Variants in UNC5D observed in about 807,000 individuals in gnomAD.
The protein encoded by UNC5D is netrin receptor UNC5D.
In UNC5D, 39 loss-of-function variants were observed where a neutral mutation model predicts 105.4. The observed-to-expected ratio is 0.37, with a 90% confidence interval of 0.29 to 0.48. The LOEUF (loss-of-function observed/expected upper bound fraction) is 0.48. Ranked by LOEUF, UNC5D falls within the 20% of genes least tolerant of loss-of-function variation. UNC5D has a pLI of 0.98. For synonymous variants in UNC5D, 452 were observed against 450.4 expected, an observed-to-expected ratio of 1.00 and a Z score of -0.04; for missense variants, 991 against 1,202.4, an observed-to-expected ratio of 0.82 and a Z score of 2.60.
In UNC5D at chr8:35,793,120, T is replaced by C. The variant is rs1432584894; in HGVS notation, c.*2557T>C. The C allele has an allele frequency of 4.4e-6, 2 of 454,564 alleles. No individual in the cohort carries two copies. The highest frequency in any genetic ancestry group is 2.0e-5 in the African/African-American group (1 of 49,968). The allele number at this position is 454,564 out of a possible 1,614,324, so 28.2% of individuals were successfully genotyped here. On this transcript the variant is annotated 3_prime_UTR_variant, in exon 17 of 17. Transcript: ENST00000404895. ...GCCTGTCTTGTTTCTTCTTTATGTTTCTTTTACTTATTGCTGCTAGGATCC... is the reference window on the plus strand; with the variant it reads ...GCCTGTCTTGTTTCTTCTTTATGTTCCTTTTACTTATTGCTGCTAGGATCC...
intron 11 of UNC5D, among the ~76,000 whole-genome samples, chr8:35,741,765 G>GT (rs1182371261): frequency 6.6e-6 from 1 of 152,116 alleles, no homozygotes; most frequent in Non-Finnish European, 1.5e-5. Flanking sequence ...TGCATGAGAT[G>GT]TTGCTTTGGA....
intron 1 of UNC5D, among the ~76,000 whole-genome samples, chr8:35,269,886 G>T (rs750793135): frequency 1.3e-5 from 2 of 152,184 alleles, no homozygotes; most frequent in Non-Finnish European, 2.9e-5. Context: ...TGAAGGGCAT[G>T]TCCATATCCA....
intron 1 of UNC5D, among the ~76,000 whole-genome samples, chr8:35,331,157 G>T (rs561168614): frequency 1.3e-4 from 20 of 152,276 alleles, no homozygotes; most frequent in African/African-American, 3.6e-4. Context: ...AGTGAGAGAT[G>T]AGAGATTAAT....
chr8:35,619,329 C>T (rs182978731), intron 4 of UNC5D, among the ~76,000 whole-genome samples: 379 of 152,212 alleles, frequency 2.5e-3, no homozygotes, highest in Non-Finnish European at 4.1e-3. Flanking sequence ...GAAGCAAGAT[C>T]GGCATGGTCA....
chr8:35,413,187 G>A (rs1805287576), intron 1 of UNC5D, among the ~76,000 whole-genome samples: 2 of 150,928 alleles, frequency 1.3e-5, no homozygotes, highest in South Asian at 4.2e-4. Flanking sequence ...CATTAGCTAT[G>A]TTCCATGCTC....
At chr8:35,362,827 G>C (rs1372055295) in intron 1 of UNC5D, among the ~76,000 whole-genome samples, 2 of 152,042 alleles carry the variant, frequency 1.3e-5, no homozygotes, top group Non-Finnish European at 1.5e-5. Context: ...TCTCATTTCT[G>C]TTGTTGTTGT....
chr8:35,490,759 G>C (rs1241759608), intron 1 of UNC5D, among the ~76,000 whole-genome samples: 1 of 152,154 alleles, frequency 6.6e-6, no homozygotes, highest in African/African-American at 2.4e-5. Flanking sequence ...CTCTGGAAGA[G>C]CCAGTACTGT....
chr8:35,306,213 ATG>A (rs766977962), intron 1 of UNC5D, among the ~76,000 whole-genome samples: 11 of 150,762 alleles, frequency 7.3e-5, no homozygotes, highest in Non-Finnish European at 4.4e-5. Flanking sequence ...GGAATCGGCG[ATG>A]TGTGTGTGTG....
At chr8:35,278,981 C>A (rs1805963543) in intron 1 of UNC5D, among the ~76,000 whole-genome samples, 1 of 152,092 alleles carries the variant, frequency 6.6e-6, no homozygotes, top group Non-Finnish European at 1.5e-5. Context: ...GTTATTGTCA[C>A]CAGTAATGAG....
chr8:35,503,696 T>C (rs1473825561), intron 1 of UNC5D, among the ~76,000 whole-genome samples: 1 of 152,218 alleles, frequency 6.6e-6, no homozygotes, highest in Non-Finnish European at 1.5e-5. Context: ...GGTTAAACAC[T>C]ATGCTGGTGG....
intron 1 of UNC5D, among the ~76,000 whole-genome samples, chr8:35,346,322 A>G (rs994742440): frequency 1.3e-5 from 2 of 152,046 alleles, no homozygotes; most frequent in African/African-American, 2.4e-5. Flanking sequence ...ACTGATTAAG[A>G]TTCTAAAGGT....
At chr8:35,525,658 A>T in intron 1 of UNC5D, 2 of 1,612,564 alleles carry the variant, frequency 1.2e-6, no homozygotes, top group Non-Finnish European at 1.7e-6. Context: ...AGCATTTTGG[A>T]TTGGTAGTCA....
At chr8:35,641,366 CAAAA>C (rs377021599) in intron 4 of UNC5D, among the ~76,000 whole-genome samples, 2 of 44,292 alleles carry the variant, frequency 4.5e-5, no homozygotes, top group Non-Finnish European at 8.5e-5. Context: ...AAAAATAAAG[CAAAA>C]AAAAAAAAAA....
chr8:35,604,411 C>A (rs1274187434), intron 4 of UNC5D, among the ~76,000 whole-genome samples: 1 of 152,198 alleles, frequency 6.6e-6, no homozygotes, highest in Admixed American at 6.5e-5. Flanking sequence ...GCGGAGAGAT[C>A]AGCTGTTAGT....
chr8:35,675,483 CT>C (rs538381546), intron 4 of UNC5D, among the ~76,000 whole-genome samples: 2 of 152,212 alleles, frequency 1.3e-5, no homozygotes, highest in African/African-American at 4.8e-5. Context: ...AATTGAGACA[CT>C]TTAGAAATCA....
chr8:35,289,532 A>C (rs1806875977), intron 1 of UNC5D, among the ~76,000 whole-genome samples: 1 of 152,234 alleles, frequency 6.6e-6, no homozygotes, highest in Non-Finnish European at 1.5e-5. Flanking sequence ...CATTCCATCC[A>C]ACAATGGTAA....
chr8:35,780,178 A>G (rs1457654987), intron 16 of UNC5D, among the ~76,000 whole-genome samples: 1 of 152,208 alleles, frequency 6.6e-6, no homozygotes, highest in Non-Finnish European at 1.5e-5. Flanking sequence ...ATGTATAAGC[A>G]CTTGCCAGGG....
At chr8:35,664,317 A>C (rs1259014055) in intron 4 of UNC5D, among the ~76,000 whole-genome samples, 1 of 152,008 alleles carries the variant, frequency 6.6e-6, no homozygotes, top group African/African-American at 2.4e-5. Flanking sequence ...TGTTGCTTGG[A>C]TGTTTGTTTT....
chr8:35,485,482 G>A (rs1810764962), intron 1 of UNC5D, among the ~76,000 whole-genome samples: 1 of 152,078 alleles, frequency 6.6e-6, no homozygotes, highest in Non-Finnish European at 1.5e-5. Context: ...TTTTAGATTG[G>A]TAATTATTAT....
Sources: gnomAD v4.1 joint callset for allele counts (sites outside exome capture counted in the v4.1 genomes callset) on GRCh38, gnomAD v4.1.1 for gene constraint, MANE v1.5 for transcripts, NCBI Gene and HGNC (gene_info 2026-07-23, HGNC 2026-07-21) for gene names.